AJM1: variants seen among roughly 807,000 people sequenced by gnomAD.
The protein encoded by AJM1 is apical junction component 1 homolog.
A neutral mutation model predicts 43.0 loss-of-function variants in AJM1; 22 were observed. The ratio of observed to expected loss-of-function variants is 0.51; its 90% CI spans 0.37 to 0.73. AJM1 has a LOEUF of 0.73. Ranked by LOEUF, AJM1 falls within the 30% of genes least tolerant of loss-of-function variation. AJM1 has a pLI of 0.00. For missense variants in AJM1, 1,305 were observed against 1,343.3 expected, an observed-to-expected ratio of 0.97 and a Z score of 0.45; for synonymous variants, 719 against 638.3, an observed-to-expected ratio of 1.13 and a Z score of -1.91.
In AJM1 at chr9:136,842,540, C is replaced by T. The variant is rs1369269521; in HGVS notation, c.-193C>T. Among the ~76,000 whole-genome samples, 3 of 152,236 alleles carry T rather than the reference C, an allele frequency of 2.0e-5. No homozygotes were observed. Among genetic ancestry groups the T allele is most frequent in the Non-Finnish European group, 2.9e-5 (2 of 68,036 alleles). On this transcript the variant is annotated 5_prime_UTR_variant, in exon 1 of 3. Transcript: ENST00000436881. Reference sequence around the variant, plus strand: ...AGCAGTGCCGGGGACACAGAGGAGCCGACCTGGGGGTGGCACAGCCCACCG... The same window carrying T: ...AGCAGTGCCGGGGACACAGAGGAGCTGACCTGGGGGTGGCACAGCCCACCG...
rs1848807914 is a variant in AJM1 at position 136,848,181 on chromosome 9, GCACCTGGGCCTGGCCAGAGCTGA to G, written c.*844_*866del. 1 of 152,520 alleles carries G rather than the reference GCACCTGGGCCTGGCCAGAGCTGA, an allele frequency of 6.6e-6. No individual in the cohort carries two copies. The highest frequency in any genetic ancestry group is 6.5e-5 in the Admixed American group (1 of 15,298). The allele number at this position is 152,520 out of a possible 1,614,324, so 9.4% of individuals were successfully genotyped here. A position where few individuals can be genotyped will look rare whatever the true frequency, so the allele number is the denominator to read the frequency against. On this transcript the variant is annotated 3_prime_UTR_variant, in exon 3 of 3. Transcript: ENST00000436881. ...AGGGGACCTGAACAGGGGAAGCAGA[GCACCTGGGCCTGGCCAGAGCTGA>G]CACCTGGCTAGGAGAGGAAGGACCA...
Position 136,847,298 on chromosome 9 carries a change from G to A in AJM1, c.2884G>A (p.Ala962Thr), listed in dbSNP as rs763649120. ...CMIMAASEPR[A>T]LDWVASANLL... ...GATCATGGCCGCCTCCGAGCCGCGC[G>A]CGCTCGACTGGGTGGCCAGCGCCAA... is the stretch of plus-strand genomic sequence containing the variant. The change falls in exon 3 of 3, where the codon GCG becomes ACG. Residue 962 changes from alanine to threonine, a missense_variant. This residue lies in a region of AJM1 where 116 missense variants were observed against 113.4 expected (regional missense o/e 1.02). Coordinates refer to ENST00000436881, the MANE Select transcript of AJM1 (RefSeq NM_001080482.5). The A allele has an allele frequency of 1.3e-6, 2 of 1,547,748 alleles. No homozygotes were observed. Among genetic ancestry groups the A allele is most frequent in the East Asian group, 4.9e-5 (2 of 40,542 alleles).
rs757653827 is a variant in AJM1 at position 136,845,451 on chromosome 9, G to A, written c.1037G>A (p.Gly346Glu). 5 of 1,611,176 alleles carry A rather than the reference G, an allele frequency of 3.1e-6. No homozygotes were observed. In the East Asian group the frequency reaches 6.7e-5, roughly 22 times the overall value. Residue 346 changes from glycine to glutamate, a missense_variant, in exon 3 of 3, where the codon GGG becomes GAG. Coordinates refer to ENST00000436881, the MANE Select transcript of AJM1 (RefSeq NM_001080482.5). ...IQEPPSRSYY[G>E]EAPRAYGLPY... is the part of the protein sequence containing the mutation. ...GAACCGCCCTCCCGCTCCTACTATGGGGAGGCTCCACGAGCCTACGGCCTG... is the reference window on the plus strand; with the variant it reads ...GAACCGCCCTCCCGCTCCTACTATGAGGAGGCTCCACGAGCCTACGGCCTG...
rs780607139 is a variant in AJM1 at position 136,845,664 on chromosome 9, C to T, written c.1250C>T (p.Pro417Leu). The change falls in exon 3 of 3, where the codon CCC becomes CTC. Residue 417 changes from proline to leucine, a missense_variant. Coordinates refer to ENST00000436881, the MANE Select transcript of AJM1 (RefSeq NM_001080482.5). ...TACCGCACCCTGCAAGTGGTGCCGCCCTCTGACCCCGACCCGTTGCTCGCC... is the reference window on the plus strand; with the variant it reads ...TACCGCACCCTGCAAGTGGTGCCGCTCTCTGACCCCGACCCGTTGCTCGCC... Reference protein sequence around the residue: ...RPYRTLQVVPPSDPDPLLASW... With the variant: ...RPYRTLQVVPLSDPDPLLASW... 207 of 1,576,280 alleles carry T rather than the reference C, an allele frequency of 1.3e-4. No individual in the cohort carries two copies. Among genetic ancestry groups the T allele is most frequent in the Non-Finnish European group, 1.6e-4 (191 of 1,168,916 alleles).
Position 136,847,239 on chromosome 9 carries a change from C to G in AJM1, c.2825C>G (p.Thr942Arg). The G allele has an allele frequency of 6.2e-6, 10 of 1,604,340 alleles. No individual in the cohort carries two copies. Among genetic ancestry groups the G allele is most frequent in the Non-Finnish European group, 8.5e-6 (10 of 1,178,336 alleles). The stretch of plus-strand genomic sequence containing the variant: ...TTCACGCCCACCACCATCTACCCCA[C>G]GGACCGGCGCACCGGCCGCCCCTTC... ...RRFTPTTIYP[T>R]DRRTGRPFMC... Residue 942 changes from threonine (T) to arginine (R), a missense_variant, in exon 3 of 3, where the codon ACG (threonine) becomes AGG (arginine). This residue lies in a region of AJM1 where 116 missense variants were observed against 113.4 expected (regional missense o/e 1.02). Transcript: ENST00000436881.
intron 1 of AJM1, among the ~76,000 whole-genome samples, chr9:136,843,283 G>A (rs1204752020): frequency 6.6e-6 from 1 of 152,260 alleles, no homozygotes; most frequent in Non-Finnish European, 1.5e-5. Context: ...GCACCCCCCA[G>A]CTGGCTCTGG....
Position 136,847,416 on chromosome 9 carries a change from G to A in AJM1, c.*71G>A. Reference sequence around the variant, plus strand: ...GCCCTGCCCACTCAGGCCCCGCCCGGCCCACCCAGGGCCGCCCCCGAGCCC... The same window carrying A: ...GCCCTGCCCACTCAGGCCCCGCCCGACCCACCCAGGGCCGCCCCCGAGCCC... On this transcript the variant is annotated 3_prime_UTR_variant, in exon 3 of 3. Coordinates refer to ENST00000436881, the MANE Select transcript of AJM1 (RefSeq NM_001080482.5). 3.1e-6 allele frequency: 4 copies of A among 1,284,598 alleles called. No individual in the cohort carries two copies. Among genetic ancestry groups the A allele is most frequent in the Non-Finnish European group, 4.1e-6 (4 of 984,946 alleles). 79.6% of individuals were successfully genotyped at this position (1,284,598 alleles called of 1,614,324 possible). A position where few individuals can be genotyped will look rare whatever the true frequency, so the allele number is the denominator to read the frequency against.
rs1191346112 is a variant in AJM1, at chr9:136,846,128, G to C, written c.1714G>C (p.Gly572Arg). ...CGCGGCCCCCGACGGCCCCACCTCTGGCCGCCAGCGGAGCCTAGAGCAGCT... is the reference window on the plus strand; with the variant it reads ...CGCGGCCCCCGACGGCCCCACCTCTCGCCGCCAGCGGAGCCTAGAGCAGCT... Reference protein sequence around the residue: ...PHAAPDGPTSGRQRSLEQLDE... With the variant: ...PHAAPDGPTSRRQRSLEQLDE... The change falls in exon 3 of 3, where the codon GGC (glycine) becomes CGC (arginine). Residue 572 changes from glycine to arginine, a missense_variant. Gly to Arg is a moderately radical substitution (Grantham distance 125). Coordinates refer to ENST00000436881, the MANE Select transcript of AJM1 (RefSeq NM_001080482.5). 8 of 1,529,268 alleles carry C rather than the reference G, an allele frequency of 5.2e-6. No homozygotes were observed. Among genetic ancestry groups the C allele is most frequent in the Non-Finnish European group, 7.0e-6 (8 of 1,143,528 alleles). 94.7% of individuals were successfully genotyped at this position (1,529,268 alleles called of 1,614,324 possible).
At chr9:136,843,811 G>A (rs1353866609) in intron 1 of AJM1, among the ~76,000 whole-genome samples, 1 of 152,210 alleles carries the variant, frequency 6.6e-6, no homozygotes, top group African/African-American at 2.4e-5. Context: ...GGCTAAGGCT[G>A]AGGCCCAGGG....
Position 136,848,139 on chromosome 9 carries a change from CT to C in AJM1, c.*795del, listed in dbSNP as rs1848807239. The C allele has an allele frequency of 6.6e-6, 1 of 152,436 alleles. No individual in the cohort carries two copies. The highest frequency in any genetic ancestry group is 2.1e-4 in the South Asian group (1 of 4,844). 9.4% of individuals were successfully genotyped at this position (152,436 alleles called of 1,614,324 possible). A position where few individuals can be genotyped will look rare whatever the true frequency, so the allele number is the denominator to read the frequency against. ...GAGGTCTTCAGGCCGATATGCAAGT[CT>C]CCCAGCCGAAGGGGCAGGGGACCTG... On this transcript the variant is annotated 3_prime_UTR_variant, in exon 3 of 3. Transcript: ENST00000436881.
Position 136,844,926 on chromosome 9 carries a change from G to A in AJM1, c.512G>A (p.Cys171Tyr). The A allele has an allele frequency of 2.5e-6, 1 of 394,596 alleles. No individual in the cohort carries two copies. Among genetic ancestry groups the A allele is most frequent in the Non-Finnish European group, 4.4e-6 (1 of 225,790 alleles). 24.4% of individuals were successfully genotyped at this position (394,596 alleles called of 1,614,324 possible). A position where few individuals can be genotyped will look rare whatever the true frequency, so the allele number is the denominator to read the frequency against. The change falls in exon 3 of 3, where the codon TGC becomes TAC. Residue 171 changes from cysteine to tyrosine, a missense_variant. By Grantham distance (194) the Cys-to-Tyr change is radical. Coordinates refer to ENST00000436881, the MANE Select transcript of AJM1 (RefSeq NM_001080482.5). ...CCCCTGTGCGCCGCCGCGGGCCGCT[G>A]CGCACCGCCCGAGCCACCCGCGGGT... ...VAPLCAAAGR[C>Y]APPEPPAGPA...
rs1848759235 is a variant in AJM1 at position 136,845,494 on chromosome 9, T to C, written c.1080T>C (p.Tyr360=). 6.2e-7 allele frequency: 1 copy of C among 1,605,072 alleles called. No individual in the cohort carries two copies. ...ACGGCCTGCCCTACGGGCCCCGCTA[T>C]GTCCCCGAGGAGCCCCGGGCCCACT... ...RAYGLPYGPR[Y]VPEEPRAHST... is the part of the protein sequence containing the mutation. Residue 360 remains tyrosine, a synonymous_variant, in exon 3 of 3, where the codon TAT becomes TAC. Coordinates refer to ENST00000436881, the MANE Select transcript of AJM1 (RefSeq NM_001080482.5).
intron 1 of AJM1, among the ~76,000 whole-genome samples, 190 bp downstream of exon 1, chr9:136,842,779 T>C (rs1270867916): frequency 1.3e-5 from 2 of 152,044 alleles, no homozygotes; most frequent in African/African-American, 4.8e-5. Context: ...GCCAGCCATC[T>C]CCGTGGGCTC....
chr9:136,842,785 G>C (rs1390794960), intron 1 of AJM1, among the ~76,000 whole-genome samples, 196 bp downstream of exon 1: 1 of 152,144 alleles, frequency 6.6e-6, no homozygotes, highest in African/African-American at 2.4e-5. Context: ...CATCTCCGTG[G>C]GCTCCAGAAG....
rs749464277 is a variant in AJM1 at position 136,846,430 on chromosome 9, C to T, written c.2016C>T (p.Arg672=). 4.4e-6 allele frequency: 7 copies of T among 1,592,574 alleles called. No individual in the cohort carries two copies. Among genetic ancestry groups the T allele is most frequent in the Admixed American group, 3.4e-5 (2 of 59,662 alleles). ...CCTGCTCCAATGCGCGCTGCCGGCG[C>T]ACCGAGACCATGTTCAACGCCTGCC... ...LMTCSNARCR[R]TETMFNACLY... The change falls in exon 3 of 3, where the codon CGC becomes CGT. Residue 672 remains arginine, a synonymous_variant. Transcript: ENST00000436881.
chr9:136,846,073 G>A lies in AJM1; in HGVS notation c.1659G>A (p.Leu553=). 6.5e-7 allele frequency: 1 copy of A among 1,533,138 alleles called. No homozygotes were observed. The highest frequency in any genetic ancestry group is 8.7e-7 in the Non-Finnish European group (1 of 1,143,134). 95.0% of individuals were successfully genotyped at this position (1,533,138 alleles called of 1,614,324 possible). Residue 553 remains leucine (L), a synonymous_variant, in exon 3 of 3, where the codon TTG becomes TTA. Coordinates refer to ENST00000436881, the MANE Select transcript of AJM1 (RefSeq NM_001080482.5). ...TERPSARAWE[L]PGGRTRPPPH... ...GCCCGAGCGCCAGGGCCTGGGAGTT[G>A]CCCGGGGGCCGCACGCGGCCACCTC...
At position 136,845,854 on chromosome 9, in the gene AJM1, G is replaced by A. The variant is rs1317002816; in HGVS notation, c.1440G>A (p.Pro480=). 1 of 1,559,314 alleles carries A rather than the reference G, an allele frequency of 6.4e-7. No homozygotes were observed. Among genetic ancestry groups the A allele is most frequent in the South Asian group, 1.2e-5 (1 of 84,986 alleles). Reference sequence around the variant, plus strand: ...TGCTGGGGCGCGAGGTGCGGGAGCCGCGAGGCGTGTCCCCCGAAGGCCGGC... The same window carrying A: ...TGCTGGGGCGCGAGGTGCGGGAGCCACGAGGCGTGTCCCCCGAAGGCCGGC... ...ENLLGREVRE[P]RGVSPEGRRP... The change falls in exon 3 of 3, where the codon CCG becomes CCA. Residue 480 remains proline (P), a synonymous_variant. Transcript: ENST00000436881.
Position 136,846,909 on chromosome 9 carries a change from T to TGCCCGC in AJM1, c.2505_2510dup (p.Ala836_Pro837dup), listed in dbSNP as rs772797769. 8.7e-5 allele frequency: 128 copies of TGCCCGC among 1,471,210 alleles called. No individual in the cohort carries two copies. The East Asian group carries it at 2.6e-3, about 30-fold the overall frequency. The allele number at this position is 1,471,210 out of a possible 1,614,324, so 91.1% of individuals were successfully genotyped here. ...ACCGCGCCACCGGGGACACCGGCCCTGCCCGCGCCCGCGCCACGCAGCCAC... is the reference window on the plus strand; with the variant it reads ...ACCGCGCCACCGGGGACACCGGCCCTGCCCGCGCCCGCGCCCGCGCCACGCAGCCAC... On this transcript the variant is annotated inframe_insertion, in exon 3 of 3. Coordinates refer to ENST00000436881, the MANE Select transcript of AJM1 (RefSeq NM_001080482.5).
Position 136,844,495 on chromosome 9 carries a change from C to T in AJM1, c.81C>T (p.Ser27=), listed in dbSNP as rs760513753. Residue 27 remains serine, a synonymous_variant, in exon 3 of 3, where the codon TCC becomes TCT. Transcript: ENST00000436881. The stretch of plus-strand genomic sequence containing the variant: ...AGGTGGCGACCCCGGGACCCGCGTC[C>T]AAGTGCTCGCCATGTGAGCGATCCG... The part of the protein sequence containing the change: ...DIKVATPGPA[S]KCSPCERSVA... The T allele has an allele frequency of 1.1e-5, 18 of 1,610,682 alleles. No individual in the cohort carries two copies. The highest frequency in any genetic ancestry group is 3.3e-5 in the South Asian group (3 of 90,838).
Sources: gnomAD v4.1 joint callset for allele counts (sites outside exome capture counted in the v4.1 genomes callset) on GRCh38, gnomAD v4.1.1 for gene constraint, gnomAD v4.1.1 regional missense constraint, MANE v1.5 for transcripts, NCBI Gene and HGNC (gene_info 2026-07-23, HGNC 2026-07-21) for gene names.